The following ANO10 variants were observed in gnomAD, a reference collection of about 807,000 sequenced individuals.
ANO10 encodes the protein anoctamin 10.
A neutral mutation model predicts 74.7 loss-of-function variants in ANO10; 77 were observed. The ratio of observed to expected loss-of-function variants is 1.03; its 90% confidence interval spans 0.86 to 1.25. The LOEUF (loss-of-function observed/expected upper bound fraction) is 1.25, where lower values mean the gene tolerates loss of function less well. Ranked by LOEUF, ANO10 falls within the 50% of genes most tolerant of loss-of-function variation. The pLI, the probability that ANO10 is intolerant of heterozygous loss-of-function variation, is 0.00. For synonymous variants in ANO10, 279 were observed against 284.9 expected (o/e 0.98, Z 0.21); for missense variants, 721 against 778.1 (o/e 0.93, Z 0.87).
chr3:43,605,483 C>T (rs1372842827), intron 2 of ANO10, among the ~76,000 whole-genome samples: 1 of 152,318 alleles, frequency 6.6e-6, no homozygotes, highest in Middle Eastern at 3.4e-3. Flanking sequence ...ACCACTCATG[C>T]TGCTTTCAGT....
chr3:43,544,304 C>T (rs1358806710), intron 11 of ANO10, among the ~76,000 whole-genome samples: 2 of 152,008 alleles, frequency 1.3e-5, no homozygotes, highest in African/African-American at 4.8e-5. Flanking sequence ...GTAGGCTATT[C>T]TCTGGTTCAG....
chr3:43,420,532 A>G (rs915503046), intron 12 of ANO10, among the ~76,000 whole-genome samples: 2 of 152,228 alleles, frequency 1.3e-5, no homozygotes, highest in African/African-American at 2.4e-5. Context: ...AAAGAAAGGA[A>G]AGGAAAGGAA....
intron 8 of ANO10, among the ~76,000 whole-genome samples, chr3:43,562,600 G>A (rs761954123): frequency 3.3e-5 from 5 of 151,752 alleles, no homozygotes; most frequent in African/African-American, 4.8e-5. Flanking sequence ...AGAAACGCTT[G>A]AACCTAGGAG....
At chr3:43,547,939 A>C (rs186843454) in intron 11 of ANO10, among the ~76,000 whole-genome samples, 23 of 152,332 alleles carry the variant, frequency 1.5e-4, no homozygotes, top group Non-Finnish European at 2.6e-4. Flanking sequence ...AGCGATGGAC[A>C]CCAAGAGCTG....
In ANO10 at chr3:43,367,020, T is replaced by C. The variant is rs888413940; in HGVS notation, c.1915-46A>G. Reference sequence around the variant, plus strand: ...ACCAGGTGAGCCACAGAAGCCTAAGTAGTGGCCGAGGCCTCTGCTCTCTGT... The same window carrying C: ...ACCAGGTGAGCCACAGAAGCCTAAGCAGTGGCCGAGGCCTCTGCTCTCTGT... On this transcript the variant is annotated intron_variant, in intron 12 of 12. Transcript: ENST00000292246. The C allele has an allele frequency of 4.5e-6, 7 of 1,546,906 alleles. No homozygotes were observed. The Admixed American group carries it at 5.7e-5, about 13-fold the overall frequency.
At chr3:43,568,322 G>C (rs554869132) in intron 7 of ANO10, among the ~76,000 whole-genome samples, 3 of 152,118 alleles carry the variant, frequency 2.0e-5, no homozygotes, top group Non-Finnish European at 4.4e-5. Context: ...ACTCAGCTCT[G>C]CACCAAGTGG....
intron 1 of ANO10, among the ~76,000 whole-genome samples, chr3:43,615,723 G>A (rs183902295): frequency 5.3e-5 from 8 of 151,356 alleles, no homozygotes; most frequent in South Asian, 2.1e-4. Context: ...GCGCAATCTC[G>A]GCTCACTGCA....
chr3:43,665,496 C>A (rs1220286997), intron 1 of ANO10, among the ~76,000 whole-genome samples: 1 of 152,082 alleles, frequency 6.6e-6, no homozygotes, highest in East Asian at 1.9e-4. Context: ...ACGTTCTGCA[C>A]ATGTAACCGA....
At chr3:43,555,024 TTG>T (rs2079670464) in intron 10 of ANO10, among the ~76,000 whole-genome samples, 1 of 152,174 alleles carries the variant, frequency 6.6e-6, no homozygotes. Flanking sequence ...TCCCAGAAGA[TTG>T]TCAGAGTTTC....
chr3:43,608,272 T>C (rs1172190473), intron 1 of ANO10, among the ~76,000 whole-genome samples: 1 of 152,160 alleles, frequency 6.6e-6, no homozygotes, highest in Non-Finnish European at 1.5e-5. Flanking sequence ...AAGAGAATAT[T>C]ATGGCTACTC....
At chr3:43,549,991 T>C in intron 10 of ANO10, 143 bp from the exon 11 acceptor site, 1 of 975,128 alleles carries the variant, frequency 1.0e-6, no homozygotes, top group Non-Finnish European at 1.5e-6. Flanking sequence ...TTTTTCTCTG[T>C]CATGGTATGA....
At chr3:43,507,838 G>C (rs1233874572) in intron 11 of ANO10, among the ~76,000 whole-genome samples, 1 of 152,124 alleles carries the variant, frequency 6.6e-6, no homozygotes, top group Admixed American at 6.5e-5. Context: ...GAAAAAGGGG[G>C]AGATTGTATA....
chr3:43,529,808 GA>G (rs1184601638), intron 11 of ANO10, among the ~76,000 whole-genome samples: 3 of 152,156 alleles, frequency 2.0e-5, no homozygotes, highest in African/African-American at 7.2e-5. Flanking sequence ...TAAAACTATA[GA>G]GGTATAAAAC....
intron 1 of ANO10, among the ~76,000 whole-genome samples, chr3:43,658,754 C>T (rs2083886621): frequency 6.6e-6 from 1 of 152,128 alleles, no homozygotes; most frequent in African/African-American, 2.4e-5. Flanking sequence ...AGGCATTAGC[C>T]ACCACACCCA....
intron 12 of ANO10, among the ~76,000 whole-genome samples, chr3:43,375,179 C>T (rs1406133619): frequency 2.6e-5 from 4 of 151,544 alleles, no homozygotes; most frequent in African/African-American, 4.9e-5. Flanking sequence ...GGCGCAGTGG[C>T]TCATGCTGGT....
At chr3:43,647,801 G>A (rs752335494) in intron 1 of ANO10, among the ~76,000 whole-genome samples, 2 of 152,180 alleles carry the variant, frequency 1.3e-5, no homozygotes, top group Non-Finnish European at 2.9e-5. Context: ...GTGTGACATA[G>A]ATAGACTAAA....
chr3:43,687,552 C>G (rs1055035225), intron 1 of ANO10, among the ~76,000 whole-genome samples: 5 of 152,190 alleles, frequency 3.3e-5, no homozygotes, highest in Admixed American at 1.3e-4. Context: ...AGTCTTTAGG[C>G]TACAACCCTG....
At chr3:43,596,034 A>T (rs1221974646) in intron 4 of ANO10, among the ~76,000 whole-genome samples, 1 of 152,144 alleles carries the variant, frequency 6.6e-6, no homozygotes, top group African/African-American at 2.4e-5. Flanking sequence ...AAAATAAAAA[A>T]CCTAGGAATA....
chr3:43,538,825 G>A (rs1272758922), intron 11 of ANO10, among the ~76,000 whole-genome samples: 1 of 152,182 alleles, frequency 6.6e-6, no homozygotes, highest in Non-Finnish European at 1.5e-5. Context: ...ACCCAACGAA[G>A]AGGCTGCTCC....
Sources: allele counts gnomAD v4.1 joint callset (sites outside exome capture counted in the v4.1 genomes callset), GRCh38; gene constraint gnomAD v4.1.1; transcripts MANE v1.5; gene names NCBI Gene and HGNC (gene_info 2026-07-23, HGNC 2026-07-21).